The following NIPAL1 variants were observed in gnomAD, a reference collection of about 807,000 sequenced individuals.
The protein encoded by NIPAL1 is magnesium transporter NIPA3.
A neutral mutation model predicts 37.7 loss-of-function variants in NIPAL1; 35 were observed. The ratio of observed to expected loss-of-function variants is 0.93; its 90% CI spans 0.71 to 1.23. NIPAL1 has a LOEUF of 1.23. Among genes scored for constraint, NIPAL1 ranks in the 50% most tolerant of loss-of-function variants. The pLI is 0.00. For synonymous variants in NIPAL1, 162 were observed against 183.0 expected (o/e 0.89, Z 0.93); for missense variants, 412 against 473.9 (o/e 0.87, Z 1.21).
At chr4:48,025,838 G>A (rs954868182) in intron 2 of NIPAL1, among the ~76,000 whole-genome samples, 1 of 152,044 alleles carries the variant, frequency 6.6e-6, no homozygotes, top group Non-Finnish European at 1.5e-5. Flanking sequence ...ACTTCCTCTT[G>A]CTTTTCTCCC....
intron 1 of NIPAL1, among the ~76,000 whole-genome samples, chr4:48,020,443 A>G (rs945553930): frequency 1.3e-5 from 2 of 152,198 alleles, no homozygotes; most frequent in African/African-American, 4.8e-5. Flanking sequence ...ATAGGCAGGT[A>G]TATCACATAT....
Position 48,034,953 on chromosome 4 carries a change from A to C in NIPAL1, c.534A>C (p.Ile178=), listed in dbSNP as rs1488259390. 3 of 1,611,994 alleles carry C rather than the reference A, an allele frequency of 1.9e-6. No individual in the cohort carries two copies. The highest frequency in any genetic ancestry group is 1.3e-5 in the African/African-American group (1 of 74,892). Residue 178 remains isoleucine, a synonymous_variant, in exon 5 of 6, where the codon ATA becomes ATC. Coordinates refer to ENST00000295461, the MANE Select transcript of NIPAL1 (RefSeq NM_207330.3). ...IHGKIGCILS[I]LGSTVMVIHA... ...GGAAAATAGGCTGCATATTAAGTAT[A>C]TTGGGGTCAACTGTGATGGTTATCC...
At chr4:48,023,078 G>T (rs13140968) in intron 1 of NIPAL1, among the ~76,000 whole-genome samples, 49,031 of 151,586 alleles carry the variant, frequency 0.32, 8,207 homozygotes, top group South Asian at 0.48. Flanking sequence ...GTTTTGTTTT[G>T]TTTTTGTTTT....
intron 1 of NIPAL1, among the ~76,000 whole-genome samples, chr4:48,024,295 T>C (rs1715638461): frequency 6.6e-6 from 1 of 152,090 alleles, no homozygotes; most frequent in African/African-American, 2.4e-5. Context: ...TTTTTTTCTT[T>C]TTCGAGACAG....
intron 1 of NIPAL1, among the ~76,000 whole-genome samples, chr4:48,022,305 A>G (rs1405490304): frequency 6.6e-6 from 1 of 152,152 alleles, no homozygotes; most frequent in Non-Finnish European, 1.5e-5. Context: ...TCTCTCCCTA[A>G]CATGTTCCCA....
In NIPAL1 at chr4:48,035,807, C is replaced by A; in HGVS notation, c.868C>A (p.Gln290Lys). 6.2e-7 allele frequency: 1 copy of A among 1,614,196 alleles called. No homozygotes were observed. Among genetic ancestry groups the A allele is most frequent in the Non-Finnish European group, 8.5e-7 (1 of 1,180,026 alleles). ...TGTACTTGTGCTTTCAGTAACTACA[C>A]AGATTAACTATCTCAACAAGGCACT... ...LAVLVLSVTT[Q>K]INYLNKALDT... Residue 290 changes from glutamine (Q) to lysine (K), a missense_variant, in exon 6 of 6, where the codon CAG becomes AAG. By Grantham distance (53) the Gln-to-Lys change is moderately conservative. Coordinates refer to ENST00000295461, the MANE Select transcript of NIPAL1 (RefSeq NM_207330.3).
chr4:48,035,655 A>G lies in NIPAL1; in HGVS notation c.716A>G (p.Tyr239Cys), dbSNP rs1715909747. The G allele has an allele frequency of 6.2e-7, 1 of 1,613,710 alleles. No individual in the cohort carries two copies. Among genetic ancestry groups the G allele is most frequent in the Non-Finnish European group, 8.5e-7 (1 of 1,179,884 alleles). ...AAAGGACAGACCAATATATTGGTTT[A>G]TATTTCAATCTGTTCCTTGATTGGA... ...PKKGQTNILVYISICSLIGAF... is the reference protein window; with the variant it reads ...PKKGQTNILVCISICSLIGAF... The change falls in exon 6 of 6, where the codon TAT (tyrosine) becomes TGT (cysteine). Residue 239 changes from tyrosine (Y) to cysteine (C), a missense_variant. Transcript: ENST00000295461.
rs115911394 is a variant in NIPAL1 at position 48,028,566 on chromosome 4, T to C, written c.314-1554T>C. ...AAAGGAAATGCAACAAAAACAAAAA[T>C]AGACAAATGTGACCTAAAGTAAAAA... is the stretch of plus-strand genomic sequence containing the variant. On this transcript the variant is annotated intron_variant, in intron 2 of 5. Transcript: ENST00000295461. Among the ~76,000 whole-genome samples the C allele has an allele frequency of 5.3e-3, 800 of 151,928 alleles. 8 individuals carry two copies. The highest frequency in any genetic ancestry group is 0.018 in the African/African-American group (766 of 41,478).
intron 1 of NIPAL1, among the ~76,000 whole-genome samples, chr4:48,019,246 C>T (rs59105906): frequency 0.012 from 1,761 of 152,270 alleles, 29 homozygotes; most frequent in African/African-American, 0.04. Flanking sequence ...CTCCTGACTT[C>T]AAGTGATACT....
chr4:48,036,129 G>A lies in NIPAL1; in HGVS notation c.1190G>A (p.Gly397Glu). Residue 397 changes from glycine to glutamate, a missense_variant, in exon 6 of 6, where the codon GGA becomes GAA. Gly to Glu is a moderately conservative substitution (Grantham distance 98). Transcript: ENST00000295461. ...LLENLECSAP[G>E]YNDDVTLFSR... The stretch of plus-strand genomic sequence containing the variant: ...GAGAACTTGGAGTGTTCAGCCCCAG[G>A]ATACAATGATGACGTTACCTTGTTT... 3 of 1,608,738 alleles carry A rather than the reference G, an allele frequency of 1.9e-6. No individual in the cohort carries two copies. Among genetic ancestry groups the A allele is most frequent in the Non-Finnish European group, 1.7e-6 (2 of 1,178,842 alleles).
chr4:48,016,939 G>A (rs1715426693), intron 1 of NIPAL1, 54 bp downstream of exon 1: 12 of 1,499,170 alleles, frequency 8.0e-6, no homozygotes, highest in Non-Finnish European at 1.0e-5. Context: ...GAAGAGACCG[G>A]GTGGGCGGTC....
At chr4:48,026,046 A>T (rs937700215) in intron 2 of NIPAL1, among the ~76,000 whole-genome samples, 1 of 151,940 alleles carries the variant, frequency 6.6e-6, no homozygotes, top group Non-Finnish European at 1.5e-5. Context: ...CACCCCCGTT[A>T]TTCTCTGTCA....
chr4:48,025,342 A>T lies in NIPAL1; in HGVS notation c.313+8A>T. On this transcript the variant is annotated splice_region_variant and intron_variant, in intron 2 of 5. Coordinates refer to ENST00000295461, the MANE Select transcript of NIPAL1 (RefSeq NM_207330.3). The stretch of plus-strand genomic sequence containing the variant: ...AGGGCTTTACTAGAGCTGGTAAGAA[A>T]CACATGCAACTAATGAATTTAAGTT... The T allele has an allele frequency of 1.2e-6, 2 of 1,611,894 alleles. No individual in the cohort carries two copies. The highest frequency in any genetic ancestry group is 1.7e-6 in the Non-Finnish European group (2 of 1,179,032).
At chr4:48,025,036 T>C (rs746191065) in intron 1 of NIPAL1, 32 bp from the exon 2 acceptor site, 2 of 1,601,402 alleles carry the variant, frequency 1.2e-6, no homozygotes, top group Non-Finnish European at 1.7e-6. Flanking sequence ...CTCCCTTTCA[T>C]TCCTGACATT....
chr4:48,022,624 G>A (rs111359491), intron 1 of NIPAL1, among the ~76,000 whole-genome samples: 102 of 152,298 alleles, frequency 6.7e-4, no homozygotes, highest in African/African-American at 2.4e-3. Flanking sequence ...ATGCAGCCAT[G>A]GAATTCACTG....
At chr4:48,032,558 C>T (rs1715845045) in intron 3 of NIPAL1, among the ~76,000 whole-genome samples, 2 of 152,182 alleles carry the variant, frequency 1.3e-5, no homozygotes, top group African/African-American at 4.8e-5. Flanking sequence ...CCTACCTACA[C>T]ACCAGATTTA....
At chr4:48,019,949 T>C (rs1715535106) in intron 1 of NIPAL1, among the ~76,000 whole-genome samples, 1 of 152,244 alleles carries the variant, frequency 6.6e-6, no homozygotes, top group African/African-American at 2.4e-5. Context: ...AGAGGCTCTT[T>C]TGTTTAATCC....
At position 48,038,886 on chromosome 4, in the gene NIPAL1, C is replaced by G. The variant is rs769284447; in HGVS notation, c.*2714C>G. 9.2e-5 allele frequency: 14 copies of G among 152,030 alleles called. No individual in the cohort carries two copies. Among genetic ancestry groups the G allele is most frequent in the Non-Finnish European group, 1.5e-5 (1 of 68,010 alleles). 9.4% of individuals were successfully genotyped at this position (152,030 alleles called of 1,614,324 possible). ...CACAAGGCTCATTGTGTACCCTGGA[C>G]AGGAAATTGAACTGATGTTGACATG... is the stretch of plus-strand genomic sequence containing the variant. On this transcript the variant is annotated 3_prime_UTR_variant, in exon 6 of 6. Coordinates refer to ENST00000295461, the MANE Select transcript of NIPAL1 (RefSeq NM_207330.3).
intron 1 of NIPAL1, among the ~76,000 whole-genome samples, chr4:48,018,083 A>G (rs1390098117): frequency 2.0e-5 from 3 of 152,220 alleles, no homozygotes; most frequent in Non-Finnish European, 2.9e-5. Flanking sequence ...CGCTGGATCT[A>G]GAATTATTTT....
Sources: gnomAD v4.1 joint callset for allele counts (sites outside exome capture counted in the v4.1 genomes callset) on GRCh38, gnomAD v4.1.1 for gene constraint, MANE v1.5 for transcripts, NCBI Gene and HGNC (gene_info 2026-07-23, HGNC 2026-07-21) for gene names.